The following RDH13 variants were observed in gnomAD, a reference collection of about 807,000 sequenced individuals.
RDH13 encodes the protein retinol dehydrogenase 13.
A neutral mutation model predicts 28.3 loss-of-function variants in RDH13; 35 were observed. That is an observed-to-expected ratio of 1.24 (90% CI 0.95 to 1.64). RDH13 has a LOEUF of 1.64. Among genes scored for constraint, RDH13 ranks in the 40% most tolerant of loss-of-function variants. RDH13 has a pLI of 0.00. For synonymous variants in RDH13, 229 were observed against 198.5 expected (o/e 1.15, Z -1.29); for missense variants, 514 against 446.3 (o/e 1.15, Z -1.37).
chr19:55,052,244 A>T (rs2075468664), intron 3 of RDH13, among the ~76,000 whole-genome samples: 1 of 151,558 alleles, frequency 6.6e-6, no homozygotes, highest in African/African-American at 2.4e-5. Context: ...CCCTGTCTCT[A>T]CCTAAAACAA....
chr19:55,043,896 G>C (rs555519191), downstream of RDH13, among the ~76,000 whole-genome samples: 483 of 149,734 alleles, frequency 3.2e-3, 3 homozygotes, highest in African/African-American at 0.011. Context: ...GGTGAAAGGG[G>C]CTTTCATCTC....
In RDH13 at chr19:55,063,148, C is replaced by T; in HGVS notation, c.-116G>A. 2.0e-6 allele frequency: 2 copies of T among 1,001,926 alleles called. No homozygotes were observed. The highest frequency in any genetic ancestry group is 2.6e-6 in the Non-Finnish European group (2 of 760,642). The allele number at this position is 1,001,926 out of a possible 1,614,324, so 62.1% of individuals were successfully genotyped here. A position where few individuals can be genotyped will look rare whatever the true frequency, so the allele number is the denominator to read the frequency against. On this transcript the variant is annotated 5_prime_UTR_variant, in exon 1 of 7. Coordinates refer to ENST00000415061, the MANE Select transcript of RDH13 (RefSeq NM_001145971.2). ...ACGCAGCCACAGGCGAGCGGAGGCG[C>T]AGGCGCGGCTGGGCCCGCGTCCGGA... is the stretch of plus-strand genomic sequence containing the variant.
chr19:55,044,974 TG>T lies in RDH13; in HGVS notation c.*99del. The T allele has an allele frequency of 1.1e-6, 1 of 915,950 alleles. No homozygotes were observed. Among genetic ancestry groups the T allele is most frequent in the Non-Finnish European group, 1.6e-6 (1 of 606,096 alleles). 56.7% of individuals were successfully genotyped at this position (915,950 alleles called of 1,614,324 possible). On this transcript the variant is annotated 3_prime_UTR_variant, in exon 7 of 7. Coordinates refer to ENST00000415061, the MANE Select transcript of RDH13 (RefSeq NM_001145971.2). ...CTGCGGGCATGGCGGCCGCCAGTCC[TG>T]GGTCTCCCGGCTCAGGTAGTGCCAG...
At chr19:55,058,353 A>G (rs1256346455) in intron 2 of RDH13, among the ~76,000 whole-genome samples, 2 of 151,064 alleles carry the variant, frequency 1.3e-5, no homozygotes, top group Non-Finnish European at 2.9e-5. Context: ...ATGCCACTGC[A>G]CTCCAGCCTG....
At chr19:55,052,170 G>C (rs2075465771) in intron 3 of RDH13, among the ~76,000 whole-genome samples, 1 of 146,752 alleles carries the variant, frequency 6.8e-6, no homozygotes, top group African/African-American at 2.5e-5. Context: ...TGTAATCCCA[G>C]CACTTTGGGA....
In RDH13 at chr19:55,056,651, A is replaced by G. The variant is rs775639137; in HGVS notation, c.340+2T>C. 5.6e-6 allele frequency: 9 copies of G among 1,613,656 alleles called. No homozygotes were observed. Among genetic ancestry groups the G allele is most frequent in the Non-Finnish European group, 7.6e-6 (9 of 1,179,956 alleles). On this transcript the variant is annotated splice_donor_variant, in intron 3 of 6. Coordinates refer to ENST00000415061, the MANE Select transcript of RDH13 (RefSeq NM_001145971.2). LOFTEE classifies it high-confidence loss of function. ...CATCCCACATGGCCAGCGTTCTCCTACCTTCAATGATCTTTGCTGCAAACT... is the reference window on the plus strand; with the variant it reads ...CATCCCACATGGCCAGCGTTCTCCTGCCTTCAATGATCTTTGCTGCAAACT...
chr19:55,056,859 A>G, intron 2 of RDH13, 51 bp from the exon 3 acceptor site: 2 of 1,478,176 alleles, frequency 1.4e-6, no homozygotes, highest in Non-Finnish European at 1.9e-6. Flanking sequence ...ACTCCTGGGT[A>G]CTGACCCCAG....
intron 6 of RDH13, among the ~76,000 whole-genome samples, chr19:55,045,590 C>A (rs2075196665): frequency 6.6e-6 from 1 of 152,176 alleles, no homozygotes; most frequent in African/African-American, 2.4e-5. Flanking sequence ...CAGTCCTCAC[C>A]CTACCCCATT....
At position 55,048,745 on chromosome 19, in the gene RDH13, A is replaced by G; in HGVS notation, c.359T>C (p.Ile120Thr). 6.2e-7 allele frequency: 1 copy of G among 1,613,924 alleles called. No individual in the cohort carries two copies. The highest frequency in any genetic ancestry group is 8.5e-7 in the Non-Finnish European group (1 of 1,179,968). Residue 120 changes from isoleucine (I) to threonine (T), a missense_variant, in exon 4 of 7, where the codon ATT (isoleucine) becomes ACT (threonine). Coordinates refer to ENST00000415061, the MANE Select transcript of RDH13 (RefSeq NM_001145971.2). ...KIIEEEERVD[I>T]LINNAGVMRC... Reference sequence around the variant, plus strand: ...CATCACACCCGCGTTGTTGATTAGAATGTCCACTCGCTCCTCCTCTGGAAG... The same window carrying G: ...CATCACACCCGCGTTGTTGATTAGAGTGTCCACTCGCTCCTCCTCTGGAAG...
chr19:55,057,364 C>T lies in RDH13; in HGVS notation c.185-556G>A, dbSNP rs183878354. On this transcript the variant is annotated intron_variant, in intron 2 of 6. Coordinates refer to ENST00000415061, the MANE Select transcript of RDH13 (RefSeq NM_001145971.2). Reference sequence around the variant, plus strand: ...CTATACTAAACATCACTGAATTGGTCGGGCACGGTGGCTCACACCTGTAAT... The same window carrying T: ...CTATACTAAACATCACTGAATTGGTTGGGCACGGTGGCTCACACCTGTAAT... 5.3e-5 allele frequency among the ~76,000 whole-genome samples: 8 copies of T among 151,482 alleles called. No homozygotes were observed. The East Asian group carries it at 1.2e-3, about 22-fold the overall frequency.
chr19:55,068,001 C>T (rs1221645056), upstream of RDH13, among the ~76,000 whole-genome samples: 1 of 150,508 alleles, frequency 6.6e-6, no homozygotes, highest in African/African-American at 2.5e-5. Context: ...ATATCTCTCT[C>T]ATTGCTCTCT....
chr19:55,058,637 G>A (rs2075712121), intron 2 of RDH13, among the ~76,000 whole-genome samples: 1 of 152,006 alleles, frequency 6.6e-6, no homozygotes, highest in African/African-American at 2.4e-5. Context: ...TTCACTTCAT[G>A]GAATGTCCTC....
intron 3 of RDH13, among the ~76,000 whole-genome samples, chr19:55,055,227 A>G (rs1416867092): frequency 1.3e-5 from 2 of 152,062 alleles, no homozygotes; most frequent in African/African-American, 2.4e-5. Flanking sequence ...ATCTCAGCTC[A>G]CTGCAACCTC....
At position 55,045,263 on chromosome 19, in the gene RDH13, C is replaced by G; in HGVS notation, c.807G>C (p.Gln269His). The G allele has an allele frequency of 6.2e-7, 1 of 1,613,254 alleles. No individual in the cohort carries two copies. The highest frequency in any genetic ancestry group is 8.5e-7 in the Non-Finnish European group (1 of 1,180,016). ...LLVKSPELAA[Q>H]PSTYLAVAEE... ...CCGCCACGGCCAGGTATGTGCTGGG[C>G]TGGGCGGCCAGCTCGGGGCTCTTGA... The change falls in exon 7 of 7, where the codon CAG (glutamine) becomes CAC (histidine). Residue 269 changes from glutamine (Q) to histidine (H), a missense_variant. By Grantham distance (24) the Gln-to-His change is conservative. Coordinates refer to ENST00000415061, the MANE Select transcript of RDH13 (RefSeq NM_001145971.2).
At chr19:55,046,105 G>T (rs1015333746) in intron 6 of RDH13, among the ~76,000 whole-genome samples, 1 of 151,460 alleles carries the variant, frequency 6.6e-6, no homozygotes, top group Non-Finnish European at 1.5e-5. Context: ...ACTTAGCTGG[G>T]TGTGGTGGTG....
At chr19:55,064,886 T>C (rs577952378), upstream of RDH13, among the ~76,000 whole-genome samples, 447 of 147,012 alleles carry the variant, frequency 3.0e-3, 6 homozygotes, top group African/African-American at 0.011. Flanking sequence ...GTGCTGGGAT[T>C]ACAGGCATGA....
chr19:55,060,798 T>C (rs1403817595), intron 1 of RDH13, among the ~76,000 whole-genome samples: 3 of 152,146 alleles, frequency 2.0e-5, no homozygotes, highest in Non-Finnish European at 2.9e-5. Context: ...GGTGCCAGCC[T>C]GGGCAACAGA....
intron 3 of RDH13, among the ~76,000 whole-genome samples, chr19:55,051,796 G>T (rs372028032): frequency 1.3e-5 from 2 of 151,166 alleles, no homozygotes; most frequent in Non-Finnish European, 2.9e-5. Flanking sequence ...GCAGTGGCGC[G>T]ATCTCAGCTC....
chr19:55,051,734 T>C (rs1364946417), intron 3 of RDH13, among the ~76,000 whole-genome samples: 1 of 151,274 alleles, frequency 6.6e-6, no homozygotes, highest in Admixed American at 6.6e-5. Flanking sequence ...AGCCTGTTTT[T>C]TTTTTTTTCT....
Sources: allele counts gnomAD v4.1 joint callset (sites outside exome capture counted in the v4.1 genomes callset), GRCh38; gene constraint gnomAD v4.1.1; transcripts MANE v1.5; gene names NCBI Gene and HGNC (gene_info 2026-07-23, HGNC 2026-07-21).